Variants in GTF3C2 observed in about 807,000 individuals in gnomAD.
The protein encoded by GTF3C2 is general transcription factor 3C polypeptide 2.
Under a neutral mutation model 117.4 loss-of-function variants are expected in GTF3C2, and 17 were observed. That is an observed-to-expected ratio of 0.14 (90% CI 0.10 to 0.22). The LOEUF is 0.22. GTF3C2 is among the 10% of genes least tolerant of loss of function. The pLI is 1.00. For synonymous variants in GTF3C2, 437 were observed against 427.0 expected, an observed-to-expected ratio of 1.02 and a Z score of -0.29; for missense variants, 888 against 1,143.6, an observed-to-expected ratio of 0.78 and a Z score of 3.22.
intron 1 of GTF3C2, chr2:27,350,627 T>C (rs1049214496): frequency 3.2e-5 from 15 of 465,420 alleles, no homozygotes; most frequent in African/African-American, 1.3e-4. Flanking sequence ...CAGCAAGACT[T>C]TGTCTCTGCA....
At chr2:27,352,707 G>A (rs1681176679) in intron 1 of GTF3C2, among the ~76,000 whole-genome samples, 1 of 151,974 alleles carries the variant, frequency 6.6e-6, no homozygotes. Flanking sequence ...ATAAATAAAA[G>A]CTCCTTGATT....
At chr2:27,335,747 T>C (rs1187274553) in intron 9 of GTF3C2, 41 bp from the exon 10 acceptor site, 1 of 1,363,940 alleles carries the variant, frequency 7.3e-7, no homozygotes, top group African/African-American at 1.4e-5. Flanking sequence ...TGCCTTCAGC[T>C]GACTCACAGA....
chr2:27,328,850 G>A (rs761867433), exon 15 of GTF3C2: 20 of 1,610,216 alleles, frequency 1.2e-5, no homozygotes, highest in Admixed American at 1.0e-4. Context: ...TCACCCAAAC[G>A]GTGCCTTTTC....
exon 2 of GTF3C2, chr2:27,343,354 C>A (rs1237531073): frequency 6.2e-7 from 1 of 1,613,978 alleles, no homozygotes; most frequent in East Asian, 2.2e-5. Context: ...GAGGGAGCCT[C>A]CTCTGATCAG....
At chr2:27,347,745 T>C (rs1394905570) in intron 1 of GTF3C2, among the ~76,000 whole-genome samples, 1 of 152,194 alleles carries the variant, frequency 6.6e-6, no homozygotes, top group Non-Finnish European at 1.5e-5. Flanking sequence ...GAAATTTAAT[T>C]CCCATTTGTA....
chr2:27,333,132 GCCA>G (rs1230770649), intron 12 of GTF3C2, among the ~76,000 whole-genome samples: 1 of 149,710 alleles, frequency 6.7e-6, no homozygotes, highest in African/African-American at 2.5e-5. Context: ...ATAGGCATGA[GCCA>G]CCACACCTGG....
chr2:27,331,864 A>G (rs1036561793), intron 12 of GTF3C2, among the ~76,000 whole-genome samples: 1 of 152,032 alleles, frequency 6.6e-6, no homozygotes, highest in Non-Finnish European at 1.5e-5. Context: ...GCTTGAGCCC[A>G]GGAAGTCCAG....
At chr2:27,343,804 G>T (rs1001869336) in intron 1 of GTF3C2, among the ~76,000 whole-genome samples, 10 of 152,096 alleles carry the variant, frequency 6.6e-5, no homozygotes, top group Admixed American at 5.9e-4. Context: ...CCAGCACTTA[G>T]GGAGGCTGAG....
intron 4 of GTF3C2, chr2:27,339,509 GTTGCA>G (rs1680639388): frequency 6.6e-6 from 1 of 150,470 alleles, no homozygotes; most frequent in South Asian, 2.1e-4. Flanking sequence ...TCCATGATTT[GTTGCA>G]TTGATTTTTT....
chr2:27,336,087 A>G, intron 8 of GTF3C2, 59 bp from the exon 9 acceptor site: 1 of 1,396,376 alleles, frequency 7.2e-7, no homozygotes, highest in Non-Finnish European at 1.0e-6. Context: ...GGGCTGCCAG[A>G]GGTAAGCTCC....
chr2:27,326,840 C>A (rs1261910437), exon 19 of GTF3C2: 1 of 1,614,012 alleles, frequency 6.2e-7, no homozygotes, highest in East Asian at 2.2e-5. Flanking sequence ...CCAGCCCTGA[C>A]TGCCCCCCAG....
At chr2:27,340,801 T>A (rs1279268384) in intron 4 of GTF3C2, 1 of 151,364 alleles carries the variant, frequency 6.6e-6, no homozygotes, top group Non-Finnish European at 1.5e-5. Context: ...TTTTTTTTTT[T>A]ATTTTTAGTA....
In GTF3C2 at chr2:27,328,941, G is replaced by A. The variant is rs1193190199; in HGVS notation, c.2040-10C>T. 1.9e-6 allele frequency: 3 copies of A among 1,581,086 alleles called. No individual in the cohort carries two copies. Among genetic ancestry groups the A allele is most frequent in the Non-Finnish European group, 2.6e-6 (3 of 1,152,284 alleles). ...CCCACAGAGTCCATAACTGTTAAAA[G>A]AGAAATAAATTTAAACCTTCCTTTT... On this transcript the variant is annotated splice_polypyrimidine_tract_variant and intron_variant, in intron 14 of 18. Coordinates refer to ENST00000264720, the Ensembl canonical transcript of GTF3C2.
chr2:27,334,046 C>T lies in GTF3C2; in HGVS notation c.1577-47G>A, dbSNP rs758507581. On this transcript the variant is annotated intron_variant, in intron 10 of 18. Transcript: ENST00000264720. ...ACTAACTCTATGGATCCCAAGGACTCAGCAGGTCTTACTCTGTCACCCAGG... is the reference window on the plus strand; with the variant it reads ...ACTAACTCTATGGATCCCAAGGACTTAGCAGGTCTTACTCTGTCACCCAGG... 4 of 1,483,590 alleles carry T rather than the reference C, an allele frequency of 2.7e-6. No individual in the cohort carries two copies. In the South Asian group the frequency reaches 3.4e-5, roughly 13 times the overall value. The allele number at this position is 1,483,590 out of a possible 1,614,324, so 91.9% of individuals were successfully genotyped here.
At chr2:27,345,058 A>C (rs751596366) in intron 1 of GTF3C2, among the ~76,000 whole-genome samples, 3 of 151,784 alleles carry the variant, frequency 2.0e-5, no homozygotes, top group Non-Finnish European at 4.4e-5. Context: ...ACAAGGCAGA[A>C]GGATGGCTTG....
chr2:27,332,195 G>C lies in GTF3C2; in HGVS notation c.1732+1460C>G, dbSNP rs144289845. 9.8e-3 allele frequency among the ~76,000 whole-genome samples: 1,488 copies of C among 152,056 alleles called. 20 individuals are homozygous for C. Among genetic ancestry groups the C allele is most frequent in the African/African-American group, 0.034 (1,418 of 41,486 alleles). On this transcript the variant is annotated intron_variant, in intron 12 of 18. Coordinates refer to ENST00000264720, the Ensembl canonical transcript of GTF3C2. ...TCCCATTTATTTAGTTAGTTAGCTA[G>C]TTAGTTAAAGATGGGGTTTCACCAT...
rs1448254659 is a variant in GTF3C2 at position 27,329,088 on chromosome 2, G to A, written c.2039+33C>T. Reference sequence around the variant, plus strand: ...CTTTGCATTCCAACCCTTAGGGCCTGTCCCTAGAGGTCCTATCTCCATCTT... The same window carrying A: ...CTTTGCATTCCAACCCTTAGGGCCTATCCCTAGAGGTCCTATCTCCATCTT... On this transcript the variant is annotated intron_variant, in intron 14 of 18. Transcript: ENST00000264720. The surrounding 1 kb of genome is among the most constrained non-coding windows in gnomAD (Gnocchi z 4.5). 3.0e-5 allele frequency: 48 copies of A among 1,609,036 alleles called. No homozygotes were observed. Among genetic ancestry groups the A allele is most frequent in the Non-Finnish European group, 3.7e-5 (44 of 1,175,754 alleles).
intron 12 of GTF3C2, among the ~76,000 whole-genome samples, chr2:27,330,431 C>G (rs1393050321): frequency 6.6e-6 from 1 of 151,380 alleles, no homozygotes; most frequent in African/African-American, 2.4e-5. Context: ...CAGTGCACTC[C>G]AGCCTGGGAG....
chr2:27,348,834 GTATT>G (rs977838174), intron 1 of GTF3C2, among the ~76,000 whole-genome samples: 9 of 152,204 alleles, frequency 5.9e-5, no homozygotes, highest in Non-Finnish European at 7.4e-5. Flanking sequence ...TTTTAATTTT[GTATT>G]TATTTATTTA....
Sources: allele counts gnomAD v4.1 joint callset (sites outside exome capture counted in the v4.1 genomes callset), GRCh38; gene constraint gnomAD v4.1.1; non-coding constraint Gnocchi (gnomAD v3.1); transcripts MANE v1.5; gene names NCBI Gene and HGNC (gene_info 2026-07-23, HGNC 2026-07-21).